Variants in ANKRD33B observed in about 807,000 individuals in gnomAD.
ANKRD33B encodes ankyrin repeat domain-containing protein 33B.
ANKRD33B carries 6 observed loss-of-function variants against 21.5 expected under a neutral mutation model. The ratio of observed to expected loss-of-function variants is 0.28; its 90% CI spans 0.15 to 0.55. ANKRD33B has a LOEUF of 0.55. Among genes scored for constraint, ANKRD33B ranks in the 20% least tolerant of loss-of-function variants. The probability of loss-of-function intolerance (pLI) is 0.94; values close to 1 mark genes in which losing one functional copy is unlikely to be tolerated. For missense variants in ANKRD33B, 698 were observed against 747.2 expected (o/e 0.93, Z 0.77); for synonymous variants, 347 against 342.4 (o/e 1.01, Z -0.15).
chr5:10,587,374 T>A (rs1735588530), intron 1 of ANKRD33B, among the ~76,000 whole-genome samples: 1 of 152,194 alleles, frequency 6.6e-6, no homozygotes, highest in South Asian at 2.1e-4. Context: ...GTGCTGGGAT[T>A]ACAGATGTGA....
At chr5:10,600,558 A>G (rs970156972) in intron 1 of ANKRD33B, among the ~76,000 whole-genome samples, 1 of 152,232 alleles carries the variant, frequency 6.6e-6, no homozygotes, top group African/African-American at 2.4e-5. Flanking sequence ...TTGCTTATCT[A>G]GTCTCTTGAT....
chr5:10,603,900 T>TC (rs1735983786), intron 1 of ANKRD33B, among the ~76,000 whole-genome samples: 1 of 151,778 alleles, frequency 6.6e-6, no homozygotes, highest in Non-Finnish European at 1.5e-5. Context: ...GGAGAACTTT[T>TC]TTTTTTTTTT....
chr5:10,641,225 C>CTTCTTCT (rs1553995125), intron 3 of ANKRD33B, among the ~76,000 whole-genome samples: 54 of 77,452 alleles, frequency 7.0e-4, no homozygotes, highest in East Asian at 7.1e-4. Context: ...TCTTCTTCTT[C>CTTCTTCT]TTTTTTTTTT....
At chr5:10,630,868 G>A (rs112791485) in intron 2 of ANKRD33B, among the ~76,000 whole-genome samples, 32,258 of 129,802 alleles carry the variant, frequency 0.25, 3,731 homozygotes, top group Middle Eastern at 0.39. Context: ...GTGAGACTGT[G>A]TCAAAAAAAA....
At chr5:10,634,963 T>C (rs1399717549) in intron 2 of ANKRD33B, among the ~76,000 whole-genome samples, 1 of 151,608 alleles carries the variant, frequency 6.6e-6, no homozygotes, top group Non-Finnish European at 1.5e-5. Flanking sequence ...AGAGGTATTA[T>C]TCTGCCATCC....
intron 1 of ANKRD33B, among the ~76,000 whole-genome samples, chr5:10,593,545 C>T (rs933091812): frequency 1.3e-5 from 2 of 151,988 alleles, no homozygotes; most frequent in South Asian, 2.1e-4. Flanking sequence ...GACACCCTAC[C>T]CTGCTCATCC....
rs1262082662 is a variant in ANKRD33B, at chr5:10,649,615, T to C, written c.987T>C (p.Pro329=). Residue 329 remains proline (P), a synonymous_variant, in exon 4 of 4, where the codon CCT becomes CCC. Coordinates refer to ENST00000296657, the MANE Select transcript of ANKRD33B (RefSeq NM_001164440.2). ...CCATCGTGTGCCAGACCGTGTGCCC[T>C]GAGAGCCCTCCGAGCGTGGGGAAGA... ...AVAIVCQTVC[P]ESPPSVGKRR... The C allele has an allele frequency of 2.0e-6, 3 of 1,530,906 alleles. No homozygotes were observed. Among genetic ancestry groups the C allele is most frequent in the Non-Finnish European group, 2.6e-6 (3 of 1,144,644 alleles). 94.8% of individuals were successfully genotyped at this position (1,530,906 alleles called of 1,614,324 possible). A position where few individuals can be genotyped will look rare whatever the true frequency, so the allele number is the denominator to read the frequency against.
At chr5:10,587,122 C>T (rs12374474) in intron 1 of ANKRD33B, among the ~76,000 whole-genome samples, 53,969 of 151,944 alleles carry the variant, frequency 0.36, 11,207 homozygotes, top group East Asian at 0.61. Context: ...TCAAGCAATT[C>T]TCCCACCTCA....
intron 1 of ANKRD33B, among the ~76,000 whole-genome samples, chr5:10,569,705 A>G (rs955244516): frequency 6.6e-6 from 1 of 152,332 alleles, no homozygotes; most frequent in Middle Eastern, 3.4e-3. Flanking sequence ...CAAATTGAGC[A>G]GAATCCTAGA....
intron 1 of ANKRD33B, 54 bp downstream of exon 1, chr5:10,564,887 C>T: frequency 5.5e-6 from 8 of 1,446,458 alleles, no homozygotes; most frequent in Non-Finnish European, 7.3e-6. Flanking sequence ...CACTCCCCTC[C>T]TCCCCACCAC....
At position 10,607,176 on chromosome 5, in the gene ANKRD33B, C is replaced by T. The variant is rs533035157; in HGVS notation, c.367-11157C>T. Among the ~76,000 whole-genome samples, 4 of 152,346 alleles carry T rather than the reference C, an allele frequency of 2.6e-5. 1 individual carries two copies. The South Asian group carries it at 8.3e-4, about 32-fold the overall frequency. ...CTACTGTTACACGCACACACACACA[C>T]TCAGAATAGACTGTGATGCTGTGAT... On this transcript the variant is annotated intron_variant, in intron 1 of 3. Coordinates refer to ENST00000296657, the MANE Select transcript of ANKRD33B (RefSeq NM_001164440.2).
At chr5:10,623,761 A>G (rs1254247028) in intron 2 of ANKRD33B, among the ~76,000 whole-genome samples, 1 of 152,198 alleles carries the variant, frequency 6.6e-6, no homozygotes, top group Non-Finnish European at 1.5e-5. Context: ...GGTATGTACC[A>G]GGGTCTGGGC....
At chr5:10,641,521 G>GC (rs891593465) in intron 3 of ANKRD33B, among the ~76,000 whole-genome samples, 3 of 151,916 alleles carry the variant, frequency 2.0e-5, no homozygotes, top group African/African-American at 7.3e-5. Context: ...GAGCCACCGC[G>GC]CCCTGCCCCT....
intron 2 of ANKRD33B, chr5:10,625,045 C>CA: frequency 3.1e-6 from 1 of 325,018 alleles, no homozygotes; most frequent in South Asian, 2.5e-5. Flanking sequence ...CCAGCAGAGT[C>CA]ACAGACCCCA....
chr5:10,638,068 T>C lies in ANKRD33B; in HGVS notation c.537T>C (p.Pro179=), dbSNP rs11745612. 0.44 allele frequency: 671,766 copies of C among 1,537,152 alleles called. 148,057 individuals carry two copies. Among genetic ancestry groups the C allele is most frequent in the Middle Eastern group, 0.55 (3,311 of 5,974 alleles). Residue 179 remains proline, a synonymous_variant, in exon 3 of 4, where the codon CCT becomes CCC. Transcript: ENST00000296657. ...CTAACTACTTGTTGAACTATTTCCCTGGTCTTGACCTTGAAAGGAGGAACG... is the reference window on the plus strand; with the variant it reads ...CTAACTACTTGTTGAACTATTTCCCCGGTCTTGACCTTGAAAGGAGGAACG... ...IITNYLLNYF[P]GLDLERRNAF...
chr5:10,614,076 G>A (rs899817534), intron 1 of ANKRD33B, among the ~76,000 whole-genome samples: 6 of 151,434 alleles, frequency 4.0e-5, no homozygotes, highest in South Asian at 2.1e-4. Flanking sequence ...TGGCGTGTGC[G>A]ATTGTAGGGG....
Position 10,594,221 on chromosome 5 carries a change from CTTT to C in ANKRD33B, c.367-24091_367-24089del, listed in dbSNP as rs10658307. 6.4e-3 allele frequency among the ~76,000 whole-genome samples: 531 copies of C among 83,172 alleles called. 3 individuals carry two copies. Among genetic ancestry groups the C allele is most frequent in the African/African-American group, 0.024 (504 of 20,658 alleles). The allele number at this position is 83,172 out of a possible 152,430, so 54.6% of individuals were successfully genotyped here. On this transcript the variant is annotated intron_variant, in intron 1 of 3. Transcript: ENST00000296657. ...ATGCATTTTAAAAACACACATCCTT[CTTT>C]TTTTTTTTTTTTTTTTTTTTGAGAC...
chr5:10,619,319 C>T lies in ANKRD33B; in HGVS notation c.496+857C>T, dbSNP rs1337034172. ...AAGGAGGGGAAGCTTACACGGTTGT[C>T]GGGTTGTTGAGAATCCCACTCAGGG... On this transcript the variant is annotated intron_variant, in intron 2 of 3. Transcript: ENST00000296657. The surrounding 1 kb of genome is among the most constrained non-coding windows in gnomAD (Gnocchi z 4.5). The T allele has an allele frequency of 2.8e-5, 28 of 985,408 alleles. No individual in the cohort carries two copies. Among genetic ancestry groups the T allele is most frequent in the Middle Eastern group, 5.2e-4 (1 of 1,914 alleles). The allele number at this position is 985,408 out of a possible 1,614,324, so 61.0% of individuals were successfully genotyped here.
At chr5:10,630,633 C>T (rs566268142) in intron 2 of ANKRD33B, among the ~76,000 whole-genome samples, 25 of 152,228 alleles carry the variant, frequency 1.6e-4, no homozygotes, top group African/African-American at 5.3e-4. Context: ...TGGGAGCCTT[C>T]GGAATGAAAA....
Sources: allele counts gnomAD v4.1 joint callset (sites outside exome capture counted in the v4.1 genomes callset), GRCh38; gene constraint gnomAD v4.1.1; non-coding constraint Gnocchi (gnomAD v3.1); transcripts MANE v1.5; gene names NCBI Gene and HGNC (gene_info 2026-07-23, HGNC 2026-07-21).